The following ANKS1B variants were observed in gnomAD, a reference collection of about 807,000 sequenced individuals.
ANKS1B encodes the protein ankyrin repeat and sterile alpha motif domain-containing protein 1B.
A neutral mutation model predicts 148.3 loss-of-function variants in ANKS1B; 36 were observed. That is an observed-to-expected ratio of 0.24 (90% CI 0.19 to 0.32). The LOEUF is 0.32. Among genes scored for constraint, ANKS1B ranks in the 10% least tolerant of loss-of-function variants. The pLI, the probability that ANKS1B is intolerant of heterozygous loss-of-function variation, is 1.00. For missense variants in ANKS1B, 1,157 were observed against 1,542.6 expected, an observed-to-expected ratio of 0.75 and a Z score of 4.19; for synonymous variants, 542 against 560.8, an observed-to-expected ratio of 0.97 and a Z score of 0.47.
chr12:98,837,230 G>A (rs937063530), intron 17 of ANKS1B, among the ~76,000 whole-genome samples: 2 of 151,738 alleles, frequency 1.3e-5, no homozygotes, highest in East Asian at 1.9e-4. Flanking sequence ...CCAGCTACTC[G>A]GGAGGCCGAG....
At chr12:99,165,640 T>C (rs1427183250) in intron 14 of ANKS1B, among the ~76,000 whole-genome samples, 1 of 151,830 alleles carries the variant, frequency 6.6e-6, no homozygotes, top group East Asian at 1.9e-4. Context: ...AAAATCTTTA[T>C]ACAAAACAAA....
chr12:99,031,577 T>C (rs547942716), intron 17 of ANKS1B, among the ~76,000 whole-genome samples: 17 of 152,344 alleles, frequency 1.1e-4, no homozygotes, highest in Admixed American at 9.8e-4. Flanking sequence ...TTTGATATCC[T>C]GATAAAAGGA....
At chr12:98,735,178 C>G in exon 10 of ANKS1B, 1 of 398,838 alleles carries the variant, frequency 2.5e-6, no homozygotes, top group East Asian at 3.6e-5. Context: ...TGCAGTCGGT[C>G]AAGAGGAGGA....
intron 1 of ANKS1B, among the ~76,000 whole-genome samples, chr12:99,831,654 G>A (rs1043226611): frequency 1.3e-5 from 2 of 151,738 alleles, no homozygotes; most frequent in Non-Finnish European, 2.9e-5. Context: ...TCTTATATGA[G>A]ACCCACAGCA....
intron 22 of ANKS1B, among the ~76,000 whole-genome samples, chr12:98,785,216 T>C (rs929925416): frequency 6.6e-6 from 1 of 152,196 alleles, no homozygotes; most frequent in Non-Finnish European, 1.5e-5. Flanking sequence ...ATGCCTGTAT[T>C]CCCAGCACTT....
intron 11 of ANKS1B, among the ~76,000 whole-genome samples, chr12:99,427,109 T>G (rs939135485): frequency 6.6e-6 from 1 of 152,252 alleles, no homozygotes; most frequent in Non-Finnish European, 1.5e-5. Flanking sequence ...CTTGGACAGC[T>G]ACAAAACGTC....
intron 1 of ANKS1B, among the ~76,000 whole-genome samples, chr12:99,864,701 T>C (rs2090501628): frequency 6.6e-6 from 1 of 152,176 alleles, no homozygotes; most frequent in South Asian, 2.1e-4. Context: ...AGACAGCTTT[T>C]TGAGCTGTGA....
intron 11 of ANKS1B, 96 bp from the exon 12 acceptor site, chr12:99,399,907 G>T: frequency 1.6e-6 from 2 of 1,221,998 alleles, no homozygotes; most frequent in Non-Finnish European, 1.2e-6. Context: ...ATTTTTTTCA[G>T]TTAAAAACTA....
intron 1 of ANKS1B, among the ~76,000 whole-genome samples, chr12:99,925,601 GCTTTA>G (rs752481164): frequency 2.0e-5 from 3 of 152,004 alleles, no homozygotes; most frequent in Non-Finnish European, 4.4e-5. Context: ...TCTTTGTCTT[GCTTTA>G]TATATTGGAG....
chr12:98,851,114 T>C (rs1379430175), intron 17 of ANKS1B, among the ~76,000 whole-genome samples: 1 of 152,162 alleles, frequency 6.6e-6, no homozygotes, highest in Admixed American at 6.5e-5. Context: ...CAGCCCACAG[T>C]AGTACACATT....
intron 1 of ANKS1B, among the ~76,000 whole-genome samples, chr12:99,948,395 A>G (rs1338854016): frequency 1.3e-5 from 2 of 152,120 alleles, no homozygotes; most frequent in African/African-American, 4.8e-5. Context: ...AAAAAGAAAA[A>G]AAAAGGCAGA....
chr12:99,832,035 G>C (rs1007399523), intron 1 of ANKS1B, among the ~76,000 whole-genome samples: 6 of 152,242 alleles, frequency 3.9e-5, no homozygotes, highest in Admixed American at 2.6e-4. Flanking sequence ...CATCAGATGG[G>C]CACAAATTTT....
intron 1 of ANKS1B, among the ~76,000 whole-genome samples, chr12:99,943,773 T>TG (rs1210784228): frequency 2.6e-5 from 4 of 152,100 alleles, no homozygotes; most frequent in Admixed American, 2.6e-4. Context: ...AACATATCAC[T>TG]GTTCATGGTT....
chr12:98,750,007 TG>T (rs2098034046), intron 26 of ANKS1B, among the ~76,000 whole-genome samples: 1 of 151,204 alleles, frequency 6.6e-6, no homozygotes, highest in Non-Finnish European at 1.5e-5. Flanking sequence ...GGCTGTGGGG[TG>T]GGGAAGTTGG....
In ANKS1B at chr12:99,458,792, C is replaced by T. The variant is rs141668179; in HGVS notation, c.1439-14983G>A. 1.7e-4 allele frequency among the ~76,000 whole-genome samples: 26 copies of T among 151,342 alleles called. No homozygotes were observed. The East Asian group carries it at 4.3e-3, about 25-fold the overall frequency. The stretch of plus-strand genomic sequence containing the variant: ...TAAAAAGTTACCGAGAAAAAAAGGC[C>T]AGGACCAGATAGATACACAGCTAAA... On this transcript the variant is annotated intron_variant, in intron 10 of 26. Transcript: ENST00000683438.
At chr12:99,300,697 A>G (rs2081476995) in intron 12 of ANKS1B, among the ~76,000 whole-genome samples, 1 of 152,196 alleles carries the variant, frequency 6.6e-6, no homozygotes, top group Non-Finnish European at 1.5e-5. Context: ...TAAGAGGTGG[A>G]TAAAATGCAT....
At chr12:99,694,469 G>T (rs2153508603) in intron 8 of ANKS1B, among the ~76,000 whole-genome samples, 1 of 151,498 alleles carries the variant, frequency 6.6e-6, no homozygotes, top group East Asian at 2.0e-4. Context: ...TCAGACTATG[G>T]ATGGACTTAC....
intron 1 of ANKS1B, among the ~76,000 whole-genome samples, chr12:99,872,996 T>A (rs1188507111): frequency 6.6e-6 from 1 of 152,146 alleles, no homozygotes; most frequent in Non-Finnish European, 1.5e-5. Context: ...CTTAATCACA[T>A]CCAAAATTTT....
intron 9 of ANKS1B, among the ~76,000 whole-genome samples, chr12:99,643,147 T>C (rs1185749067): frequency 6.6e-6 from 1 of 152,224 alleles, no homozygotes; most frequent in Admixed American, 6.5e-5. Flanking sequence ...GTACATCCTC[T>C]GGACACCAAA....
Sources: allele counts gnomAD v4.1 joint callset (sites outside exome capture counted in the v4.1 genomes callset), GRCh38; gene constraint gnomAD v4.1.1; transcripts MANE v1.5; gene names NCBI Gene and HGNC (gene_info 2026-07-23, HGNC 2026-07-21).